The following STK39 variants were observed in gnomAD, a reference collection of about 807,000 sequenced individuals.
The protein encoded by STK39 is serine/threonine kinase 39, also known as STE20/SPS1-related proline-alanine-rich protein kinase.
Under a neutral mutation model 77.8 loss-of-function variants are expected in STK39, and 20 were observed. The observed-to-expected ratio is 0.26, with a 90% CI of 0.18 to 0.37. STK39 has a LOEUF of 0.37. STK39 is among the 10% of genes least tolerant of loss of function. The pLI, the probability that STK39 is intolerant of heterozygous loss-of-function variation, is 1.00. For missense variants in STK39, 479 were observed against 656.5 expected (o/e 0.73, Z 2.95); for synonymous variants, 246 against 234.1 (o/e 1.05, Z -0.47).
intron 10 of STK39, among the ~76,000 whole-genome samples, chr2:168,103,575 G>A (rs1686891838): frequency 6.6e-6 from 1 of 152,206 alleles, no homozygotes; most frequent in African/African-American, 2.4e-5. Context: ...TTAGGGCCCA[G>A]CAGGATAAAG....
At chr2:168,072,017 G>A (rs116276744) in intron 12 of STK39, among the ~76,000 whole-genome samples, 3,128 of 152,124 alleles carry the variant, frequency 0.021, 112 homozygotes, top group African/African-American at 0.072. Context: ...CTAAGTGCTC[G>A]CCAAGAAGGA....
intron 1 of STK39, among the ~76,000 whole-genome samples, chr2:168,216,086 A>G (rs999911876): frequency 3.9e-5 from 6 of 152,186 alleles, no homozygotes; most frequent in Non-Finnish European, 7.3e-5. Flanking sequence ...ATGTGAGGAG[A>G]AACCTCACAT....
rs75942954 is a variant in STK39 at position 168,067,786 on chromosome 2, T to G, written c.1243-2405A>C. Among the ~76,000 whole-genome samples, 509 of 152,328 alleles carry G rather than the reference T, an allele frequency of 3.3e-3. 5 individuals are homozygous for G. The highest frequency in any genetic ancestry group is 0.011 in the African/African-American group (459 of 41,572). On this transcript the variant is annotated intron_variant, in intron 12 of 17. Coordinates refer to ENST00000355999, the MANE Select transcript of STK39 (RefSeq NM_013233.3). The stretch of plus-strand genomic sequence containing the variant: ...CTGTCAATTTATCAGGGTTTTTCAT[T>G]TCCTTTTAAACAATTTGCTATAGGA...
In STK39 at chr2:168,182,042, T is replaced by C; in HGVS notation, c.257A>G (p.Gln86Arg). The change falls in exon 2 of 18, where the codon CAA becomes CGA. Residue 86 changes from glutamine (Q) to arginine (R), a missense_variant. Physicochemically the swap from Gln to Arg is conservative, Grantham distance 43 (BLOSUM62 1). Around this residue, in one of 3 missense-constraint regions of STK39, gnomAD observed 139 missense variants for 280.6 expected, o/e 0.50. Transcript: ENST00000355999. ...VVQAALCKPRQERVAIKRINL... is the reference protein window; with the variant it reads ...VVQAALCKPRRERVAIKRINL... Reference sequence around the variant, plus strand: ...GATCCGTTTTATTGCTACACGTTCTTGCCTGGGTTTGCATAGGGCTGCCTG... The same window carrying C: ...GATCCGTTTTATTGCTACACGTTCTCGCCTGGGTTTGCATAGGGCTGCCTG... The C allele has an allele frequency of 6.2e-7, 1 of 1,614,068 alleles. No homozygotes were observed. Among genetic ancestry groups the C allele is most frequent in the South Asian group, 1.1e-5 (1 of 91,074 alleles).
At chr2:168,087,118 T>C (rs1686388437) in intron 10 of STK39, among the ~76,000 whole-genome samples, 1 of 152,178 alleles carries the variant, frequency 6.6e-6, no homozygotes, top group Non-Finnish European at 1.5e-5. Context: ...ACACACATCA[T>C]GTAAGACCAA....
chr2:168,064,311 G>A (rs549772335), intron 13 of STK39, among the ~76,000 whole-genome samples: 2 of 152,240 alleles, frequency 1.3e-5, no homozygotes, highest in African/African-American at 4.8e-5. Context: ...TTTGCCCTCT[G>A]ATCCATTATT....
intron 1 of STK39, among the ~76,000 whole-genome samples, chr2:168,192,253 G>A (rs185873418): frequency 1.3e-5 from 2 of 152,026 alleles, no homozygotes; most frequent in African/African-American, 2.4e-5. Flanking sequence ...CATGGAAGGA[G>A]GTCTGCTGAC....
At chr2:168,182,135 T>C in intron 1 of STK39, 45 bp from the exon 2 acceptor site, 1 of 1,502,888 alleles carries the variant, frequency 6.7e-7, no homozygotes, top group Non-Finnish European at 9.3e-7. Context: ...TGGCACACTG[T>C]GAGGTTACTA....
At chr2:168,224,592 C>T (rs569641969) in intron 1 of STK39, among the ~76,000 whole-genome samples, 2 of 152,264 alleles carry the variant, frequency 1.3e-5, no homozygotes, top group East Asian at 3.9e-4. Context: ...ACCAGGCTGT[C>T]AAAATGAAAG....
At chr2:168,130,466 C>T (rs1300588400) in intron 8 of STK39, among the ~76,000 whole-genome samples, 1 of 152,172 alleles carries the variant, frequency 6.6e-6, no homozygotes, top group East Asian at 1.9e-4. Flanking sequence ...ATGGCACACA[C>T]TTCTTACAGC....
chr2:168,049,152 G>A (rs903282493), intron 14 of STK39, among the ~76,000 whole-genome samples: 2 of 152,122 alleles, frequency 1.3e-5, no homozygotes, highest in African/African-American at 4.8e-5. Flanking sequence ...CAAGACTCAG[G>A]ATCTCTGAAA....
At chr2:168,188,104 AT>A in intron 1 of STK39, among the ~76,000 whole-genome samples, 1 of 152,326 alleles carries the variant, frequency 6.6e-6, no homozygotes, top group South Asian at 2.1e-4. Context: ...CTAGCTGGTG[AT>A]GGATAGTAAA....
chr2:168,000,235 C>CGAA lies in STK39; in HGVS notation c.1498+12398_1498+12399insTTC, dbSNP rs143379065. ...CCTAAAGCCACTGTTCAGAGTTATTCTAAGTGCAGAGTTCTATATTTCTGA... is the reference window on the plus strand; with the variant it reads ...CCTAAAGCCACTGTTCAGAGTTATTCGAATAAGTGCAGAGTTCTATATTTCTGA... On this transcript the variant is annotated intron_variant, in intron 16 of 17. Coordinates refer to ENST00000355999, the MANE Select transcript of STK39 (RefSeq NM_013233.3). Among the ~76,000 whole-genome samples the CGAA allele has an allele frequency of 1.0e-2, 1,522 of 152,242 alleles. 31 individuals carry two copies. Among genetic ancestry groups the CGAA allele is most frequent in the African/African-American group, 0.035 (1,467 of 41,548 alleles).
chr2:168,141,824 A>G (rs1344635619), intron 5 of STK39, among the ~76,000 whole-genome samples: 1 of 152,230 alleles, frequency 6.6e-6, no homozygotes, highest in Non-Finnish European at 1.5e-5. Flanking sequence ...AACACCCTCA[A>G]GTACAAACCA....
chr2:168,106,377 T>C (rs1026443041), intron 10 of STK39, among the ~76,000 whole-genome samples: 1 of 152,230 alleles, frequency 6.6e-6, no homozygotes, highest in Non-Finnish European at 1.5e-5. Flanking sequence ...TGACTTAGTT[T>C]AAACTTAATA....
intron 5 of STK39, among the ~76,000 whole-genome samples, chr2:168,161,250 C>A (rs1418931049): frequency 1.3e-5 from 2 of 152,166 alleles, no homozygotes; most frequent in Admixed American, 1.3e-4. Flanking sequence ...GCTTTGAACA[C>A]GAAAGGTGCT....
intron 10 of STK39, 102 bp downstream of exon 10, chr2:168,129,439 T>A (rs533175175): frequency 7.9e-7 from 1 of 1,271,448 alleles, no homozygotes; most frequent in African/African-American, 1.5e-5. Context: ...AGCGTCTGAA[T>A]AGTATATCCT....
intron 12 of STK39, 113 bp from the exon 13 acceptor site, chr2:168,065,494 C>T (rs1685769357): frequency 2.7e-6 from 3 of 1,099,656 alleles, no homozygotes; most frequent in Non-Finnish European, 4.1e-6. Flanking sequence ...GATCATAAAG[C>T]AATATTTACC....
chr2:168,180,785 T>C (rs916090937), intron 2 of STK39, among the ~76,000 whole-genome samples: 10 of 152,198 alleles, frequency 6.6e-5, no homozygotes, highest in Non-Finnish European at 5.9e-5. Context: ...TTAAAAGCCT[T>C]GAATGTATGC....
Sources: gnomAD v4.1 joint callset for allele counts (sites outside exome capture counted in the v4.1 genomes callset) on GRCh38, gnomAD v4.1.1 for gene constraint, gnomAD v4.1.1 regional missense constraint, MANE v1.5 for transcripts, NCBI Gene and HGNC (gene_info 2026-07-23, HGNC 2026-07-21) for gene names.